GALNTL6: variants seen among roughly 807,000 people sequenced by gnomAD.
GALNTL6 encodes polypeptide N-acetylgalactosaminyltransferase like 6, also known as polypeptide N-acetylgalactosaminyltransferase-like 6.
In GALNTL6, 46 loss-of-function variants were observed where a neutral mutation model predicts 73.7. The observed-to-expected ratio is 0.62, with a 90% confidence interval of 0.49 to 0.80. The LOEUF (loss-of-function observed/expected upper bound fraction) is 0.80. Among genes scored for constraint, GALNTL6 ranks in the 30% least tolerant of loss-of-function variants. The pLI, the probability that GALNTL6 is intolerant of heterozygous loss-of-function variation, is 0.00. For missense variants in GALNTL6, 604 were observed against 755.0 expected (o/e 0.80, Z 2.34); for synonymous variants, 259 against 263.7 (o/e 0.98, Z 0.17).
intron 5 of GALNTL6, among the ~76,000 whole-genome samples, chr4:172,411,019 C>T (rs1053198317): frequency 1.1e-4 from 16 of 152,262 alleles, no homozygotes; most frequent in Non-Finnish European, 2.1e-4. Flanking sequence ...TAAAATGTCA[C>T]AGATTATGTA....
intron 3 of GALNTL6, among the ~76,000 whole-genome samples, chr4:172,231,388 G>A (rs925025828): frequency 2.0e-5 from 3 of 152,132 alleles, no homozygotes; most frequent in Non-Finnish European, 1.5e-5. Flanking sequence ...GAATAACTCT[G>A]ATAGGTATAA....
chr4:172,286,119 C>T (rs988057530), intron 3 of GALNTL6, among the ~76,000 whole-genome samples: 6 of 152,096 alleles, frequency 3.9e-5, no homozygotes, highest in African/African-American at 9.7e-5. Context: ...CAATTAGTGC[C>T]TGTTCTGAGA....
At chr4:172,799,594 C>CTA (rs1286198321) in intron 5 of GALNTL6, among the ~76,000 whole-genome samples, 1 of 152,178 alleles carries the variant, frequency 6.6e-6, no homozygotes. Context: ...CAAAATTTAT[C>CTA]TATATATACA....
At chr4:172,130,794 A>C (rs1212764808) in intron 2 of GALNTL6, among the ~76,000 whole-genome samples, 1 of 145,048 alleles carries the variant, frequency 6.9e-6, no homozygotes, top group Non-Finnish European at 1.5e-5. Flanking sequence ...TGTCTAAAAC[A>C]AATCATTCTC....
intron 2 of GALNTL6, among the ~76,000 whole-genome samples, chr4:171,976,925 C>G (rs1301008169): frequency 6.6e-6 from 1 of 152,130 alleles, no homozygotes; most frequent in Non-Finnish European, 1.5e-5. Flanking sequence ...AGCATGAAAT[C>G]TATCGAATCA....
intron 5 of GALNTL6, among the ~76,000 whole-genome samples, chr4:172,803,741 T>G (rs1278224941): frequency 6.6e-6 from 1 of 152,244 alleles, no homozygotes; most frequent in Non-Finnish European, 1.5e-5. Flanking sequence ...TTTTATCTAT[T>G]TATTTTTTTC....
chr4:172,042,041 G>A (rs1579082693), intron 2 of GALNTL6, among the ~76,000 whole-genome samples: 1 of 151,962 alleles, frequency 6.6e-6, no homozygotes, highest in South Asian at 2.1e-4. Context: ...TGTGTAGAAA[G>A]CAAGGGGTAT....
intron 7 of GALNTL6, among the ~76,000 whole-genome samples, chr4:172,817,614 AC>A (rs1186307414): frequency 2.0e-5 from 3 of 152,174 alleles, no homozygotes; most frequent in Admixed American, 2.0e-4. Context: ...GCAATGAAAG[AC>A]TTTTCTGTGT....
chr4:172,147,056 A>T (rs1201453773), intron 2 of GALNTL6, among the ~76,000 whole-genome samples: 1 of 152,164 alleles, frequency 6.6e-6, no homozygotes, highest in Non-Finnish European at 1.5e-5. Context: ...GTGTTTTCAT[A>T]TTGTCACTTG....
chr4:171,909,176 GAA>G (rs5864097), intron 2 of GALNTL6, among the ~76,000 whole-genome samples: 144 of 136,076 alleles, frequency 1.1e-3, no homozygotes, highest in African/African-American at 3.1e-3. Context: ...AAAGAAAAAA[GAA>G]AAAAAAAAAA....
At chr4:171,977,582 T>G (rs1021982261) in intron 2 of GALNTL6, among the ~76,000 whole-genome samples, 1 of 152,128 alleles carries the variant, frequency 6.6e-6, no homozygotes, top group Non-Finnish European at 1.5e-5. Context: ...TCATATTGAA[T>G]GAGGACCCAC....
intron 2 of GALNTL6, among the ~76,000 whole-genome samples, chr4:172,158,715 GTAGA>G (rs1734361530): frequency 6.6e-6 from 1 of 152,148 alleles, no homozygotes; most frequent in African/African-American, 2.4e-5. Context: ...TTTGTGCCAA[GTAGA>G]TAACTTGATT....
chr4:172,702,361 T>A (rs1012309988), intron 5 of GALNTL6, among the ~76,000 whole-genome samples: 1 of 152,036 alleles, frequency 6.6e-6, no homozygotes, highest in Non-Finnish European at 1.5e-5. Context: ...CTCTTCTCAT[T>A]CCATCTCATC....
chr4:172,601,995 G>A (rs1310075646), intron 5 of GALNTL6, among the ~76,000 whole-genome samples: 3 of 152,050 alleles, frequency 2.0e-5, no homozygotes, highest in African/African-American at 7.2e-5. Flanking sequence ...CTTCTTATAA[G>A]TGGGGCAAGA....
chr4:172,207,344 G>A (rs1448907145), intron 2 of GALNTL6, among the ~76,000 whole-genome samples: 1 of 152,066 alleles, frequency 6.6e-6, no homozygotes, highest in Non-Finnish European at 1.5e-5. Flanking sequence ...AGAAAATACT[G>A]GGGAACAAAA....
In GALNTL6 at chr4:172,487,347, T is replaced by C. The variant is rs1190797063; in HGVS notation, c.553+138658T>C. Among the ~76,000 whole-genome samples, 1,010 of 121,058 alleles carry C rather than the reference T, an allele frequency of 8.3e-3. 11 individuals carry two copies. The highest frequency in any genetic ancestry group is 0.021 in the African/African-American group (723 of 34,164). 79.4% of individuals were successfully genotyped at this position (121,058 alleles called of 152,430 possible). A position where few individuals can be genotyped will look rare whatever the true frequency, so the allele number is the denominator to read the frequency against. ...CTTTCTTTCTTTCTTTCTTTCTTTCTTTCTTTCTTTCCTTCTTTCCTTCTT... is the reference window on the plus strand; with the variant it reads ...CTTTCTTTCTTTCTTTCTTTCTTTCCTTCTTTCTTTCCTTCTTTCCTTCTT... On this transcript the variant is annotated intron_variant, in intron 5 of 12. Coordinates refer to ENST00000506823, the MANE Select transcript of GALNTL6 (RefSeq NM_001034845.3).
intron 5 of GALNTL6, among the ~76,000 whole-genome samples, chr4:172,443,929 G>A (rs889043043): frequency 6.6e-6 from 1 of 152,156 alleles, no homozygotes; most frequent in Non-Finnish European, 1.5e-5. Context: ...ATGCTTTGAG[G>A]TAGTGAAGTG....
At chr4:172,872,329 C>A (rs1368438784) in intron 7 of GALNTL6, among the ~76,000 whole-genome samples, 2 of 152,108 alleles carry the variant, frequency 1.3e-5, no homozygotes, top group African/African-American at 4.8e-5. Flanking sequence ...AAACAGCATC[C>A]TATACTTCTG....
At chr4:172,309,998 A>G (rs577599043) in intron 3 of GALNTL6, among the ~76,000 whole-genome samples, 1 of 152,228 alleles carries the variant, frequency 6.6e-6, no homozygotes, top group South Asian at 2.1e-4. Context: ...TATAAGGATG[A>G]ACCTGAAAAT....
Sources: allele counts gnomAD v4.1 joint callset (sites outside exome capture counted in the v4.1 genomes callset), GRCh38; gene constraint gnomAD v4.1.1; transcripts MANE v1.5; gene names NCBI Gene and HGNC (gene_info 2026-07-23, HGNC 2026-07-21).